The following FCHSD2 variants were observed in gnomAD, a reference collection of about 807,000 sequenced individuals.
The protein encoded by FCHSD2 is F-BAR and double SH3 domains protein 2.
Under a neutral mutation model 108.1 loss-of-function variants are expected in FCHSD2, and 38 were observed. The ratio of observed to expected loss-of-function variants is 0.35; its 90% CI spans 0.27 to 0.46. The LOEUF is 0.46. Among genes scored for constraint, FCHSD2 ranks in the 20% least tolerant of loss-of-function variants. FCHSD2 has a pLI of 1.00. For synonymous variants in FCHSD2, 279 were observed against 314.7 expected (o/e 0.89, Z 1.20); for missense variants, 751 against 897.8 (o/e 0.84, Z 2.09).
chr11:73,082,359 A>AAAAAG (rs1859714351), intron 3 of FCHSD2, among the ~76,000 whole-genome samples: 1 of 147,814 alleles, frequency 6.8e-6, no homozygotes, highest in Non-Finnish European at 1.5e-5. Flanking sequence ...AAAAAAAAAA[A>AAAAAG]AAAGAAAAGA....
chr11:73,013,421 G>T (rs1857903089), intron 4 of FCHSD2, among the ~76,000 whole-genome samples: 2 of 152,148 alleles, frequency 1.3e-5, no homozygotes, highest in African/African-American at 4.8e-5. Context: ...TATTTATAGT[G>T]GCTATCTCCT....
rs184834026 is a variant in FCHSD2 at position 73,097,368 on chromosome 11, T to C, written c.120-13628A>G. On this transcript the variant is annotated intron_variant, in intron 2 of 19. Transcript: ENST00000409418. ...CAGTTTCCTAGGTTTGTTTGTTTGG[T>C]TTATTTTATTTATTTATTTTTTTTT... is the stretch of plus-strand genomic sequence containing the variant. 1.8e-3 allele frequency among the ~76,000 whole-genome samples: 271 copies of C among 151,228 alleles called. 2 individuals are homozygous for C. The highest frequency in any genetic ancestry group is 1.4e-3 in the Non-Finnish European group (94 of 67,824).
chr11:73,046,783 A>G (rs1489778932), intron 3 of FCHSD2, among the ~76,000 whole-genome samples: 1 of 152,148 alleles, frequency 6.6e-6, no homozygotes, highest in Admixed American at 6.5e-5. Flanking sequence ...GGATTTCACC[A>G]TGTTGCCCAG....
chr11:73,066,155 G>C (rs1412327525), intron 3 of FCHSD2, among the ~76,000 whole-genome samples: 1 of 152,138 alleles, frequency 6.6e-6, no homozygotes, highest in African/African-American at 2.4e-5. Context: ...CAGATACATA[G>C]ACCAATGGAA....
At chr11:72,887,660 G>C in intron 11 of FCHSD2, 86 bp from the exon 12 acceptor site, 1 of 783,056 alleles carries the variant, frequency 1.3e-6, no homozygotes, top group Non-Finnish European at 2.0e-6. Flanking sequence ...TAATTCAAAG[G>C]GCTTTAGTGA....
intron 8 of FCHSD2, chr11:72,940,862 G>T: frequency 1.1e-6 from 1 of 927,090 alleles, no homozygotes; most frequent in Non-Finnish European, 1.8e-6. Context: ...TATTGGGTTG[G>T]TGAAGATTAC....
At chr11:72,893,316 T>C (rs527337922) in intron 10 of FCHSD2, among the ~76,000 whole-genome samples, 3 of 152,102 alleles carry the variant, frequency 2.0e-5, no homozygotes, top group Non-Finnish European at 4.4e-5. Flanking sequence ...ATCATTCTTT[T>C]AACATTTTTC....
chr11:73,088,962 C>G (rs1859890039), intron 2 of FCHSD2, among the ~76,000 whole-genome samples: 3 of 152,184 alleles, frequency 2.0e-5, no homozygotes, highest in Middle Eastern at 6.8e-3. Flanking sequence ...AAAGGAATAG[C>G]TTTTGTACCC....
intron 3 of FCHSD2, among the ~76,000 whole-genome samples, chr11:73,041,990 G>A (rs1409723946): frequency 5.3e-5 from 8 of 152,106 alleles, no homozygotes; most frequent in Non-Finnish European, 1.0e-4. Flanking sequence ...GCAGTGGCGC[G>A]ATCTCAGCTC....
chr11:73,068,426 T>C (rs1009925955), intron 3 of FCHSD2, among the ~76,000 whole-genome samples: 4 of 151,692 alleles, frequency 2.6e-5, no homozygotes, highest in Admixed American at 2.6e-4. Context: ...ACCTGGATGA[T>C]CTGTACAGTA....
Position 73,090,195 on chromosome 11 carries a change from A to G in FCHSD2, c.120-6455T>C, listed in dbSNP as rs143858039. 1.0e-4 allele frequency among the ~76,000 whole-genome samples: 15 copies of G among 148,224 alleles called. No homozygotes were observed. The East Asian group carries it at 3.0e-3, about 29-fold the overall frequency. On this transcript the variant is annotated intron_variant, in intron 2 of 19. Coordinates refer to ENST00000409418, the MANE Select transcript of FCHSD2 (RefSeq NM_014824.3). The stretch of plus-strand genomic sequence containing the variant: ...TTCATATAAAAATGTTTACAAATAT[A>G]TATTTATGGTAATTACAATACTTCT...
intron 8 of FCHSD2, among the ~76,000 whole-genome samples, chr11:72,922,952 T>C (rs1856003060): frequency 6.6e-6 from 1 of 152,144 alleles, no homozygotes; most frequent in African/African-American, 2.4e-5. Context: ...TCTCCATCCC[T>C]TCCTTCCCCC....
intron 5 of FCHSD2, among the ~76,000 whole-genome samples, chr11:72,992,142 T>C (rs1221787684): frequency 6.6e-6 from 1 of 152,188 alleles, no homozygotes; most frequent in Non-Finnish European, 1.5e-5. Flanking sequence ...AGCCAAATCA[T>C]GAGTGAACTC....
At chr11:73,112,190 T>C (rs1193340543) in intron 2 of FCHSD2, among the ~76,000 whole-genome samples, 1 of 152,222 alleles carries the variant, frequency 6.6e-6, no homozygotes, top group Non-Finnish European at 1.5e-5. Flanking sequence ...GTTGATGAAA[T>C]TCCCCAGCTT....
intron 3 of FCHSD2, among the ~76,000 whole-genome samples, chr11:73,058,697 G>A (rs1479619378): frequency 6.6e-6 from 1 of 150,676 alleles, no homozygotes; most frequent in African/African-American, 2.4e-5. Context: ...CCAGGTTCAA[G>A]CAATTCTCCT....
intron 2 of FCHSD2, 26 bp downstream of exon 2, chr11:73,140,005 C>T: frequency 7.8e-7 from 1 of 1,290,088 alleles, no homozygotes; most frequent in Non-Finnish European, 1.1e-6. Flanking sequence ...AAACAGAAGT[C>T]CTTGAACTAT....
chr11:73,103,889 G>A (rs1860279816), intron 2 of FCHSD2, among the ~76,000 whole-genome samples: 1 of 152,166 alleles, frequency 6.6e-6, no homozygotes, highest in Non-Finnish European at 1.5e-5. Context: ...GAGAAGTTTT[G>A]TAACAGCCTT....
chr11:72,930,067 AAT>A (rs1478392603), intron 8 of FCHSD2, among the ~76,000 whole-genome samples: 22 of 152,308 alleles, frequency 1.4e-4, no homozygotes, highest in African/African-American at 4.6e-4. Context: ...TGAAAAAAAT[AAT>A]ATGTTGTGAA....
At chr11:73,126,017 T>C (rs1860846146) in intron 2 of FCHSD2, among the ~76,000 whole-genome samples, 1 of 152,006 alleles carries the variant, frequency 6.6e-6, no homozygotes, top group Non-Finnish European at 1.5e-5. Context: ...TAGGCAAGAC[T>C]CTATCTAATA....
Sources: allele counts gnomAD v4.1 joint callset (sites outside exome capture counted in the v4.1 genomes callset), GRCh38; gene constraint gnomAD v4.1.1; transcripts MANE v1.5; gene names NCBI Gene and HGNC (gene_info 2026-07-23, HGNC 2026-07-21).